STMN2: variants seen among roughly 807,000 people sequenced by gnomAD.
The protein encoded by STMN2 is stathmin-2.
Under a neutral mutation model 24.1 loss-of-function variants are expected in STMN2, and 2 were observed. The ratio of observed to expected loss-of-function variants is 0.08; its 90% CI spans 0.03 to 0.26. The LOEUF (loss-of-function observed/expected upper bound fraction) is 0.26, where lower values mean the gene tolerates loss of function less well. Among genes scored for constraint, STMN2 ranks in the 10% least tolerant of loss-of-function variants. The pLI, the probability that STMN2 is intolerant of heterozygous loss-of-function variation, is 1.00. For missense variants in STMN2, 114 were observed against 213.6 expected (o/e 0.53, Z 2.91); for synonymous variants, 83 against 77.5 (o/e 1.07, Z -0.37).
chr8:79,657,076 G>A (rs1240475911), intron 4 of STMN2, among the ~76,000 whole-genome samples: 3 of 152,128 alleles, frequency 2.0e-5, no homozygotes, highest in Admixed American at 1.3e-4. Context: ...GTTTTGCCGT[G>A]TTGGCCAAGC....
chr8:79,613,774 AGTT>A, intron 1 of STMN2: 1 of 985,310 alleles, frequency 1.0e-6, no homozygotes, highest in Non-Finnish European at 1.2e-6. Context: ...ATTTGTCTCC[AGTT>A]GTTCATTTTA....
chr8:79,630,690 T>C lies in STMN2; in HGVS notation c.20-6112T>C, dbSNP rs547787330. 4.6e-5 allele frequency among the ~76,000 whole-genome samples: 7 copies of C among 152,344 alleles called. No homozygotes were observed. The East Asian group carries it at 1.2e-3, about 25-fold the overall frequency. On this transcript the variant is annotated intron_variant, in intron 1 of 4. Coordinates refer to ENST00000220876, the MANE Select transcript of STMN2 (RefSeq NM_007029.4). ...CATTCTGGAGAAGCAATTCAGAGAATGTCATGGCAGCCTCAAATTGCTGCT... is the reference window on the plus strand; with the variant it reads ...CATTCTGGAGAAGCAATTCAGAGAACGTCATGGCAGCCTCAAATTGCTGCT...
At position 79,631,235 on chromosome 8, in the gene STMN2, A is replaced by G. The variant is rs889731451; in HGVS notation, c.20-5567A>G. Reference sequence around the variant, plus strand: ...CCTTGTCACTATCACTGGTGCTAAGAATACATCAAATTGAAATTTAAGAGC... The same window carrying G: ...CCTTGTCACTATCACTGGTGCTAAGGATACATCAAATTGAAATTTAAGAGC... On this transcript the variant is annotated intron_variant, in intron 1 of 4. Coordinates refer to ENST00000220876, the MANE Select transcript of STMN2 (RefSeq NM_007029.4). Among the ~76,000 whole-genome samples, 50 of 152,364 alleles carry G rather than the reference A, an allele frequency of 3.3e-4. 1 individual carries two copies. Among genetic ancestry groups the G allele is most frequent in the African/African-American group, 1.2e-3 (50 of 41,594 alleles).
chr8:79,661,407 T>C (rs888318861), intron 4 of STMN2, among the ~76,000 whole-genome samples: 1 of 152,180 alleles, frequency 6.6e-6, no homozygotes, highest in Non-Finnish European at 1.5e-5. Context: ...TCTTTAGTTA[T>C]AGATTCCAGC....
In STMN2 at chr8:79,626,191, A is replaced by G. The variant is rs28713460; in HGVS notation, c.20-10611A>G. ...CCTAGAGCTCAAATCTTCAGTTTCT[A>G]TCATATTCTTGCCCTTACCCTGGGG... is the stretch of plus-strand genomic sequence containing the variant. On this transcript the variant is annotated intron_variant, in intron 1 of 4. Coordinates refer to ENST00000220876, the MANE Select transcript of STMN2 (RefSeq NM_007029.4). 5.7e-3 allele frequency among the ~76,000 whole-genome samples: 865 copies of G among 152,288 alleles called. 11 individuals are homozygous for G. Among genetic ancestry groups the G allele is most frequent in the African/African-American group, 0.019 (800 of 41,560 alleles).
intron 1 of STMN2, chr8:79,611,813 TGG>T (rs1285130379): frequency 1.8e-6 from 1 of 555,640 alleles, no homozygotes; most frequent in Non-Finnish European, 2.1e-6. Flanking sequence ...GGGGACAGGG[TGG>T]GGGTAGGACC....
intron 3 of STMN2, among the ~76,000 whole-genome samples, chr8:79,643,940 C>T (rs1300554995): frequency 1.3e-5 from 2 of 150,810 alleles, no homozygotes; most frequent in Non-Finnish European, 3.0e-5. Context: ...CCCTAGTGGT[C>T]GGGTTTTATT....
rs1472569127 is a variant in STMN2 at position 79,628,859 on chromosome 8, C to A, written c.20-7943C>A. Among the ~76,000 whole-genome samples the A allele has an allele frequency of 2.0e-5, 3 of 152,058 alleles. No individual in the cohort carries two copies. The East Asian group carries it at 5.8e-4, about 29-fold the overall frequency. ...TGTTTGTGACATAAACTGGATGATA[C>A]AAAACTGGAATGCAAAGGCTTTAGG... On this transcript the variant is annotated intron_variant, in intron 1 of 4. Transcript: ENST00000220876.
intron 1 of STMN2, among the ~76,000 whole-genome samples, chr8:79,630,266 A>AT (rs989341385): frequency 7.3e-4 from 110 of 150,910 alleles, no homozygotes; most frequent in African/African-American, 2.5e-3. Context: ...AGTCATCTGA[A>AT]TTTTTTTTTT....
chr8:79,650,755 T>G (rs1810317629), intron 3 of STMN2, among the ~76,000 whole-genome samples: 1 of 152,116 alleles, frequency 6.6e-6, no homozygotes, highest in Admixed American at 6.5e-5. Context: ...CCCTGGTTAT[T>G]AGCGCCCCTG....
At chr8:79,644,283 GA>G (rs1181175778) in intron 3 of STMN2, among the ~76,000 whole-genome samples, 2 of 152,230 alleles carry the variant, frequency 1.3e-5, no homozygotes, top group African/African-American at 4.8e-5. Context: ...AGTATTATCA[GA>G]AAACTTTCTT....
intron 1 of STMN2, among the ~76,000 whole-genome samples, chr8:79,620,167 A>G (rs1221065366): frequency 6.8e-6 from 1 of 148,112 alleles, no homozygotes; most frequent in Non-Finnish European, 1.5e-5. Context: ...AATATATATT[A>G]TATATATATT....
chr8:79,665,636 T>G lies in STMN2; in HGVS notation c.*762T>G, dbSNP rs1806582649. 1 of 154,400 alleles carries G rather than the reference T, an allele frequency of 6.5e-6. No homozygotes were observed. Among genetic ancestry groups the G allele is most frequent in the South Asian group, 2.0e-4 (1 of 4,922 alleles). 9.6% of individuals were successfully genotyped at this position (154,400 alleles called of 1,614,324 possible). ...GGTTCAAGCAGCCGTGAAATCGCTCTTCATAAAGTGGGCTTAATTCTCTAG... is the reference window on the plus strand; with the variant it reads ...GGTTCAAGCAGCCGTGAAATCGCTCGTCATAAAGTGGGCTTAATTCTCTAG... On this transcript the variant is annotated 3_prime_UTR_variant, in exon 5 of 5. Coordinates refer to ENST00000220876, the MANE Select transcript of STMN2 (RefSeq NM_007029.4).
At chr8:79,640,534 G>T (rs140358863) in intron 2 of STMN2, among the ~76,000 whole-genome samples, 508 of 152,282 alleles carry the variant, frequency 3.3e-3, no homozygotes, top group Non-Finnish European at 4.1e-3. Context: ...CACCACAGTG[G>T]CTCTATCCCT....
intron 3 of STMN2, 44 bp downstream of exon 3, chr8:79,641,594 C>A (rs766104435): frequency 2.6e-5 from 40 of 1,555,014 alleles, no homozygotes; most frequent in Middle Eastern, 3.9e-4. Flanking sequence ...CCCTCCCCTG[C>A]TCCTCCCTCT....
intron 3 of STMN2, 35 bp downstream of exon 3, chr8:79,641,585 C>A: frequency 6.5e-7 from 1 of 1,547,080 alleles, no homozygotes; most frequent in Non-Finnish European, 8.8e-7. Flanking sequence ...TCTCTCTCTC[C>A]CTCCCCTGCT....
At chr8:79,624,198 T>C (rs1809588001) in intron 1 of STMN2, among the ~76,000 whole-genome samples, 1 of 152,118 alleles carries the variant, frequency 6.6e-6, no homozygotes. Flanking sequence ...CTCACACCTG[T>C]AATCCCAGCA....
intron 1 of STMN2, among the ~76,000 whole-genome samples, chr8:79,625,280 A>G (rs1365799218): frequency 6.6e-6 from 1 of 152,168 alleles, no homozygotes; most frequent in African/African-American, 2.4e-5. Context: ...AACTTGTTTC[A>G]CTTACTTTCC....
chr8:79,643,780 A>G lies in STMN2; in HGVS notation c.288+2230A>G, dbSNP rs187219443. ...TTGAATTGAACTAGAAACTGGCCAC[A>G]TGGTTAAAAGACATTTACAAATGTA... is the stretch of plus-strand genomic sequence containing the variant. On this transcript the variant is annotated intron_variant, in intron 3 of 4. Coordinates refer to ENST00000220876, the MANE Select transcript of STMN2 (RefSeq NM_007029.4). 1.7e-3 allele frequency among the ~76,000 whole-genome samples: 256 copies of G among 152,268 alleles called. 7 individuals are homozygous for G. Among genetic ancestry groups the G allele is most frequent in the Admixed American group, 0.017 (253 of 15,300 alleles).
Sources: gnomAD v4.1 joint callset for allele counts (sites outside exome capture counted in the v4.1 genomes callset) on GRCh38, gnomAD v4.1.1 for gene constraint, MANE v1.5 for transcripts, NCBI Gene and HGNC (gene_info 2026-07-23, HGNC 2026-07-21) for gene names.